The following TCF7 variants were observed in gnomAD, a reference collection of about 807,000 sequenced individuals.
TCF7 encodes the protein transcription factor 7.
TCF7 carries 19 observed loss-of-function variants against 46.8 expected under a neutral mutation model. The ratio of observed to expected loss-of-function variants is 0.41; its 90% CI spans 0.28 to 0.60. The LOEUF (loss-of-function observed/expected upper bound fraction) is 0.60, where lower values mean the gene tolerates loss of function less well. Ranked by LOEUF, TCF7 falls within the 20% of genes least tolerant of loss-of-function variation. The probability of loss-of-function intolerance (pLI) is 0.35; values close to 1 mark genes in which losing one functional copy is unlikely to be tolerated. For synonymous variants in TCF7, 245 were observed against 213.4 expected (o/e 1.15, Z -1.29); for missense variants, 547 against 504.6 (o/e 1.08, Z -0.81).
chr5:134,119,014 G>T (rs955552716), intron 3 of TCF7, among the ~76,000 whole-genome samples: 5 of 152,166 alleles, frequency 3.3e-5, no homozygotes, highest in African/African-American at 1.2e-4. Context: ...GGTTTTCTCT[G>T]CTCTGCTCTG....
In TCF7 at chr5:134,115,555, G is replaced by C. The variant is rs967235345; in HGVS notation, c.316+168G>C. On this transcript the variant is annotated intron_variant, in intron 2 of 9. Coordinates refer to ENST00000342854, the MANE Select transcript of TCF7 (RefSeq NM_003202.5). Reference sequence around the variant, plus strand: ...GGGCGGGCTTCCCGGGCGCCGCCGGGTCGAGTCACTTCCGGTGCCCTGACC... The same window carrying C: ...GGGCGGGCTTCCCGGGCGCCGCCGGCTCGAGTCACTTCCGGTGCCCTGACC... 4.2e-6 allele frequency: 6 copies of C among 1,441,702 alleles called. No homozygotes were observed. The South Asian group carries it at 4.4e-5, about 11-fold the overall frequency. 89.3% of individuals were successfully genotyped at this position (1,441,702 alleles called of 1,614,324 possible).
chr5:134,116,325 T>A (rs1382496490), intron 3 of TCF7, among the ~76,000 whole-genome samples: 1 of 152,248 alleles, frequency 6.6e-6, no homozygotes, highest in Non-Finnish European at 1.5e-5. Context: ...GGGTGGGGTC[T>A]TCTTAGAGAA....
chr5:134,142,678 G>A, intron 6 of TCF7, 43 bp from the exon 7 acceptor site: 1 of 1,605,124 alleles, frequency 6.2e-7, no homozygotes, highest in Non-Finnish European at 8.5e-7. Context: ...AATTAGGTGG[G>A]CACTCGGGGG....
At chr5:134,128,500 G>A (rs1480179501) in intron 3 of TCF7, among the ~76,000 whole-genome samples, 2 of 151,980 alleles carry the variant, frequency 1.3e-5, no homozygotes, top group African/African-American at 2.4e-5. Flanking sequence ...ATAGCTGGGG[G>A]AGTGAGCGCT....
At chr5:134,122,821 C>A (rs923328821) in intron 3 of TCF7, among the ~76,000 whole-genome samples, 2 of 152,168 alleles carry the variant, frequency 1.3e-5, no homozygotes, top group Non-Finnish European at 2.9e-5. Context: ...GGGCCCCCAC[C>A]CCCAATGGTA....
At position 134,143,090 on chromosome 5, in the gene TCF7, G is replaced by A. The variant is rs1760104626; in HGVS notation, c.1016G>A (p.Arg339Gln). ...CAGCTATACCCAGGCTGGTCAGCGC[G>A]GGACAACTACGTGAGTGCCTAGTGA... is the stretch of plus-strand genomic sequence containing the variant. ...HMQLYPGWSA[R>Q]DNYGKKKRRS... The change falls in exon 8 of 10, where the codon CGG (arginine) becomes CAG (glutamine). Residue 339 changes from arginine to glutamine, a missense_variant. Physicochemically the swap from Arg to Gln is conservative, Grantham distance 43. Coordinates refer to ENST00000342854, the MANE Select transcript of TCF7 (RefSeq NM_003202.5). 2 of 1,604,784 alleles carry A rather than the reference G, an allele frequency of 1.2e-6. No homozygotes were observed. The highest frequency in any genetic ancestry group is 1.7e-6 in the Non-Finnish European group (2 of 1,175,748).
At chr5:134,130,164 C>T (rs2149314246) in intron 3 of TCF7, among the ~76,000 whole-genome samples, 1 of 152,342 alleles carries the variant, frequency 6.6e-6, no homozygotes, top group South Asian at 2.1e-4. Context: ...CGCACTCAGC[C>T]CTACTGGAGT....
chr5:134,145,480 G>A, intron 9 of TCF7: 1 of 565,276 alleles, frequency 1.8e-6, no homozygotes, highest in South Asian at 1.8e-5. Flanking sequence ...ATACTTGTGG[G>A]TGTGACAAGG....
intron 3 of TCF7, among the ~76,000 whole-genome samples, chr5:134,133,855 C>G (rs975481523): frequency 3.9e-5 from 6 of 152,212 alleles, no homozygotes; most frequent in Admixed American, 3.9e-4. Flanking sequence ...CCACAGCCTG[C>G]CAGGCAACAC....
chr5:134,144,820 C>T (rs772460178), intron 9 of TCF7: 13 of 1,614,062 alleles, frequency 8.1e-6, no homozygotes, highest in African/African-American at 4.0e-5. Flanking sequence ...TAAGAAATGC[C>T]GTGCTCGCTT....
At chr5:134,144,670 C>CTAT (rs1760409353) in intron 9 of TCF7, 2 of 707,658 alleles carry the variant, frequency 2.8e-6, no homozygotes, top group African/African-American at 3.5e-5. Context: ...CCCACTCTGC[C>CTAT]TATGGGGGCT....
At chr5:134,143,371 C>T in intron 8 of TCF7, 1 of 786,384 alleles carries the variant, frequency 1.3e-6, no homozygotes, top group African/African-American at 1.7e-5. Context: ...TGGAAGTCAC[C>T]TCCTTCCATT....
chr5:134,142,035 T>A, intron 5 of TCF7, 150 bp from the exon 6 acceptor site: 3 of 1,071,692 alleles, frequency 2.8e-6, no homozygotes, highest in Non-Finnish European at 4.0e-6. Context: ...TTTGTATTTA[T>A]CTCTGTGTAC....
chr5:134,148,158 G>A lies in TCF7; in HGVS notation c.*1855G>A, dbSNP rs1170890409. The A allele has an allele frequency of 6.6e-6, 1 of 152,572 alleles. No homozygotes were observed. Among genetic ancestry groups the A allele is most frequent in the Non-Finnish European group, 1.5e-5 (1 of 68,030 alleles). 9.5% of individuals were successfully genotyped at this position (152,572 alleles called of 1,614,324 possible). A position where few individuals can be genotyped will look rare whatever the true frequency, so the allele number is the denominator to read the frequency against. The stretch of plus-strand genomic sequence containing the variant: ...TTCAAAATATTTTTGTATTGTTAAT[G>A]CATCATCATAGAAAAACTTTTAAAC... On this transcript the variant is annotated 3_prime_UTR_variant, in exon 10 of 10. Coordinates refer to ENST00000342854, the MANE Select transcript of TCF7 (RefSeq NM_003202.5).
At chr5:134,122,958 CTG>C (rs1235359230) in intron 3 of TCF7, among the ~76,000 whole-genome samples, 1 of 152,198 alleles carries the variant, frequency 6.6e-6, no homozygotes, top group African/African-American at 2.4e-5. Context: ...CCCTCTGACA[CTG>C]TATCTGCCAT....
At chr5:134,121,728 T>C (rs1424454120) in intron 3 of TCF7, among the ~76,000 whole-genome samples, 3 of 152,208 alleles carry the variant, frequency 2.0e-5, no homozygotes, top group African/African-American at 4.8e-5. Context: ...TGGCTCTGGC[T>C]TGCTCCCGGG....
At chr5:134,145,313 C>T (rs753408545) in intron 9 of TCF7, 2 of 539,154 alleles carry the variant, frequency 3.7e-6, no homozygotes, top group South Asian at 2.8e-5. Flanking sequence ...AGCAAGGTGA[C>T]AACAACACAG....
intron 9 of TCF7, 132 bp from the exon 10 acceptor site, chr5:134,146,092 A>G: frequency 6.3e-7 from 1 of 1,598,596 alleles, no homozygotes; most frequent in Non-Finnish European, 8.5e-7. Flanking sequence ...GAGGACACTG[A>G]CTTACCACCC....
At chr5:134,142,653 AGAG>A (rs1188338385) in intron 6 of TCF7, 65 bp from the exon 7 acceptor site, 16 of 1,584,838 alleles carry the variant, frequency 1.0e-5, no homozygotes, top group African/African-American at 2.7e-5. Context: ...GGCCCACGCT[AGAG>A]GAGGAGGCTG....
Sources: gnomAD v4.1 joint callset for allele counts (sites outside exome capture counted in the v4.1 genomes callset) on GRCh38, gnomAD v4.1.1 for gene constraint, MANE v1.5 for transcripts, NCBI Gene and HGNC (gene_info 2026-07-23, HGNC 2026-07-21) for gene names.